Variants in LRRC37B observed in about 807,000 individuals in gnomAD.
The protein encoded by LRRC37B is leucine rich repeat containing 37B, also known as leucine-rich repeat-containing protein 37B.
In LRRC37B, 28 loss-of-function variants were observed where a neutral mutation model predicts 98.3. The ratio of observed to expected loss-of-function variants is 0.28; its 90% confidence interval spans 0.21 to 0.39. LRRC37B has a LOEUF of 0.39. Among genes scored for constraint, LRRC37B ranks in the 10% least tolerant of loss-of-function variants. The pLI is 1.00. For synonymous variants in LRRC37B, 364 were observed against 442.7 expected (o/e 0.82, Z 2.23); for missense variants, 938 against 1,182.7 (o/e 0.79, Z 3.03).
intron 5 of LRRC37B, 25 bp downstream of exon 8, chr17:32,031,483 G>C: frequency 1.2e-6 from 1 of 809,582 alleles, no homozygotes. Flanking sequence ...AGATGAATAC[G>C]TGTAAACGAC....
At chr17:32,017,427 A>G (rs1910668290), upstream of LRRC37B, among the ~76,000 whole-genome samples, 1 of 152,144 alleles carries the variant, frequency 6.6e-6, no homozygotes, top group Non-Finnish European at 1.5e-5. Context: ...TTCATTTCTT[A>G]TGTTATTATT....
chr17:32,025,507 G>T (rs1195574289), intron 2 of LRRC37B, among the ~76,000 whole-genome samples: 1 of 151,442 alleles, frequency 6.6e-6, no homozygotes, highest in Non-Finnish European at 1.5e-5. Flanking sequence ...TAGATTTGTT[G>T]TGTGGTTTTT....
intron 8 of LRRC37B, 29 bp downstream of exon 11, chr17:32,045,847 G>A: frequency 1.3e-6 from 2 of 1,585,652 alleles, no homozygotes; most frequent in South Asian, 2.2e-5. Context: ...GTGATAAATT[G>A]TTACATTATT....
At position 32,021,218 on chromosome 17, in the gene LRRC37B, G is replaced by A. The variant is rs759022761; in HGVS notation, c.153G>A (p.Glu51=). 2.5e-6 allele frequency: 4 copies of A among 1,612,718 alleles called. No individual in the cohort carries two copies. In the Admixed American group the frequency reaches 6.7e-5, roughly 27 times the overall value. The stretch of plus-strand genomic sequence containing the variant: ...AACTATTGTCTTTACTAGTCAAGGA[G>A]GCTCAGCCTCTGGTGTGGGTCAAGG... Residue 51 remains glutamate (E), a synonymous_variant, in exon 1 of 12, where the codon GAG becomes GAA. Transcript: ENST00000327564.
upstream of LRRC37B, among the ~76,000 whole-genome samples, chr17:32,018,920 C>G (rs1228756325): frequency 6.6e-6 from 1 of 152,018 alleles, no homozygotes; most frequent in Non-Finnish European, 1.5e-5. Context: ...ACAGGCATAC[C>G]ATTTTTATCT....
At chr17:32,011,146 G>A (rs1012219848) in intron 1 of LRRC37B, among the ~76,000 whole-genome samples, 3 of 150,778 alleles carry the variant, frequency 2.0e-5, no homozygotes, top group South Asian at 2.1e-4. Context: ...ACAGGCACCC[G>A]CCACCACGCC....
At chr17:32,025,824 A>G (rs1365457688) in intron 2 of LRRC37B, among the ~76,000 whole-genome samples, 1 of 152,226 alleles carries the variant, frequency 6.6e-6, no homozygotes, top group South Asian at 2.1e-4. Flanking sequence ...GTCCTCAAAA[A>G]TGTTGTGCCA....
At chr17:32,052,005 ATT>A (rs1234385663) in intron 11 of LRRC37B, 1 of 151,452 alleles carries the variant, frequency 6.6e-6, no homozygotes, top group African/African-American at 2.4e-5. Flanking sequence ...TCTGAAAAGC[ATT>A]TGAGGTTTGT....
chr17:32,041,163 T>C (rs531304528), intron 7 of LRRC37B: 3 of 771,226 alleles, frequency 3.9e-6, no homozygotes, highest in Middle Eastern at 4.5e-4. Context: ...GCGGGAAGCT[T>C]CCTCACGCCC....
chr17:32,008,365 C>A (rs1170237273), intron 1 of LRRC37B, among the ~76,000 whole-genome samples: 2 of 152,194 alleles, frequency 1.3e-5, no homozygotes, highest in African/African-American at 2.4e-5. Context: ...CTCGCTTGCT[C>A]CCCGTCCCCC....
upstream of LRRC37B, chr17:32,007,836 C>T (rs1457180842): frequency 3.3e-5 from 39 of 1,170,708 alleles, no homozygotes; most frequent in Non-Finnish European, 4.0e-5. The surrounding 1 kb of genome is among the most constrained non-coding windows in gnomAD (Gnocchi z 4.1). Context: ...GCCACCGCCG[C>T]CGGCCCGCCC....
intron 8 of LRRC37B, chr17:32,047,498 C>T: frequency 2.1e-6 from 1 of 479,248 alleles, no homozygotes; most frequent in Non-Finnish European, 3.8e-6. Context: ...GGGCAATTGG[C>T]CCCTGGGGAT....
intron 7 of LRRC37B, among the ~76,000 whole-genome samples, chr17:32,039,225 C>T (rs1465064309): frequency 6.6e-6 from 1 of 151,390 alleles, no homozygotes; most frequent in Non-Finnish European, 1.5e-5. Flanking sequence ...GATCCTCCGG[C>T]CTCGTTCTCC....
chr17:32,043,180 G>A (rs926232240), intron 7 of LRRC37B, among the ~76,000 whole-genome samples: 2 of 152,212 alleles, frequency 1.3e-5, no homozygotes, highest in African/African-American at 4.8e-5. Context: ...AGTTATACAG[G>A]TGTTCATTAT....
chr17:32,016,574 G>C (rs1208557437), upstream of LRRC37B, among the ~76,000 whole-genome samples: 1 of 152,202 alleles, frequency 6.6e-6, no homozygotes, highest in African/African-American at 2.4e-5. Context: ...CTTGAACGCA[G>C]TGGTTTTCAA....
chr17:32,032,768 A>G (rs1463907097), intron 5 of LRRC37B, among the ~76,000 whole-genome samples: 2 of 152,200 alleles, frequency 1.3e-5, no homozygotes, highest in Non-Finnish European at 2.9e-5. Flanking sequence ...ACCAGAGAAC[A>G]GGCTCATTAG....
At chr17:32,021,063 G>A (rs1392403623) in exon 1 of LRRC37B, 2 of 1,610,936 alleles carry the variant, frequency 1.2e-6, no homozygotes, top group African/African-American at 2.7e-5. Flanking sequence ...ATAAAGACAG[G>A]GCATGGCACA....
At chr17:32,035,638 C>A in exon 7 of LRRC37B, 1 of 1,605,320 alleles carries the variant, frequency 6.2e-7, no homozygotes, top group Non-Finnish European at 8.5e-7. Flanking sequence ...ACTGGAAAAA[C>A]TGTAAGTTAT....
chr17:32,052,499 T>C (rs1186378431), intron 11 of LRRC37B: 1 of 152,340 alleles, frequency 6.6e-6, no homozygotes, highest in East Asian at 1.9e-4. Context: ...ATGCGTTAAG[T>C]ACCAGCTGCA....
Sources: allele counts gnomAD v4.1 joint callset (sites outside exome capture counted in the v4.1 genomes callset), GRCh38; gene constraint gnomAD v4.1.1; non-coding constraint Gnocchi (gnomAD v3.1); transcripts MANE v1.5; gene names NCBI Gene and HGNC (gene_info 2026-07-23, HGNC 2026-07-21).